Variants in ISLR2 observed in about 807,000 individuals in gnomAD.
ISLR2 encodes immunoglobulin superfamily containing leucine rich repeat 2, also known as immunoglobulin superfamily containing leucine-rich repeat protein 2.
In ISLR2, 16 loss-of-function variants were observed where a neutral mutation model predicts 25.5. The ratio of observed to expected loss-of-function variants is 0.63; its 90% CI spans 0.43 to 0.95. The LOEUF is 0.95. Among genes scored for constraint, ISLR2 ranks in the 40% least tolerant of loss-of-function variants. The pLI is 0.00. For synonymous variants in ISLR2, 508 were observed against 486.6 expected (o/e 1.04, Z -0.58); for missense variants, 883 against 1,030.7 (o/e 0.86, Z 1.96).
At position 74,133,726 on chromosome 15, in the gene ISLR2, G is replaced by C. The variant is rs766750466; in HGVS notation, c.972G>C (p.Pro324=). 6.2e-7 allele frequency: 1 copy of C among 1,609,562 alleles called. No homozygotes were observed. The highest frequency in any genetic ancestry group is 8.5e-7 in the Non-Finnish European group (1 of 1,177,992). ...AQTPTPAPAW[P]APPATPRFLA... is the part of the protein sequence containing the mutation. The stretch of plus-strand genomic sequence containing the variant: ...CGCCGACTCCAGCACCCGCTTGGCC[G>C]GCGCCCCCAGCCACACCGCGCTTCC... The change falls in exon 3 of 3, where the codon CCG becomes CCC. Residue 324 remains proline (P), a synonymous_variant. Coordinates refer to ENST00000453268, the MANE Select transcript of ISLR2 (RefSeq NM_020851.3).
At chr15:74,114,566 T>C (rs1214786096) in intron 2 of ISLR2, among the ~76,000 whole-genome samples, 1 of 150,712 alleles carries the variant, frequency 6.6e-6, no homozygotes, top group African/African-American at 2.4e-5. Context: ...GAGGTGGCAG[T>C]GAGCCGAGAT....
upstream of ISLR2, chr15:74,127,260 T>G (rs1387154535): frequency 6.6e-6 from 1 of 152,208 alleles, no homozygotes; most frequent in Non-Finnish European, 1.5e-5. Flanking sequence ...ACTTCCAATT[T>G]TGCAGTTTTC....
chr15:74,133,132 G>C lies in ISLR2; in HGVS notation c.378G>C (p.Gln126His). 6.2e-7 allele frequency: 1 copy of C among 1,612,884 alleles called. No homozygotes were observed. Among genetic ancestry groups the C allele is most frequent in the Non-Finnish European group, 8.5e-7 (1 of 1,179,960 alleles). Residue 126 changes from glutamine (Q) to histidine (H), a missense_variant, in exon 3 of 3, where the codon CAG becomes CAC. Physicochemically the swap from Gln to His is conservative, Grantham distance 24. This residue lies in a region of ISLR2 where 271 missense variants were observed against 387.9 expected (regional missense o/e 0.70). Coordinates refer to ENST00000453268, the MANE Select transcript of ISLR2 (RefSeq NM_020851.3). Reference protein sequence around the residue: ...WSDLRNLSALQLLKMNHNRLG... With the variant: ...WSDLRNLSALHLLKMNHNRLG... ...ACCTGCGCAACCTGAGCGCGCTGCA[G>C]CTGCTCAAAATGAACCACAACCGCC...
At chr15:74,104,488 G>A (rs2072104912) in intron 2 of ISLR2, among the ~76,000 whole-genome samples, 2 of 152,270 alleles carry the variant, frequency 1.3e-5, no homozygotes, top group Admixed American at 1.3e-4. Flanking sequence ...CTGAAGAACA[G>A]TTAGATTTTG....
chr15:74,138,924 G>T (rs956299665), downstream of ISLR2, among the ~76,000 whole-genome samples: 1 of 152,076 alleles, frequency 6.6e-6, no homozygotes, highest in African/African-American at 2.4e-5. Flanking sequence ...AACAGGCCTG[G>T]CTGGGCCAGT....
Position 74,130,614 on chromosome 15 carries a change from G to C in ISLR2, c.-126G>C, listed in dbSNP as rs2072389304. On this transcript the variant is annotated 5_prime_UTR_variant, in exon 1 of 3. Transcript: ENST00000453268. ...GCTCGCGGGCGCTGGCGGGACAGGC[G>C]CGTGAGGGTGAGTTCGCGTGAATGT... 6.6e-6 allele frequency: 1 copy of C among 152,562 alleles called. No homozygotes were observed. Among genetic ancestry groups the C allele is most frequent in the African/African-American group, 2.4e-5 (1 of 41,454 alleles). The allele number at this position is 152,562 out of a possible 1,614,324, so 9.5% of individuals were successfully genotyped here. A position where few individuals can be genotyped will look rare whatever the true frequency, so the allele number is the denominator to read the frequency against.
At chr15:74,115,785 T>G (rs1298199499) in intron 2 of ISLR2, among the ~76,000 whole-genome samples, 1 of 151,486 alleles carries the variant, frequency 6.6e-6, no homozygotes. Context: ...ACAGAGATGA[T>G]GTAATTTGCA....
At chr15:74,128,364 G>A, upstream of ISLR2, 1 of 434,482 alleles carries the variant, frequency 2.3e-6, no homozygotes, top group South Asian at 1.6e-5. Flanking sequence ...TTGCTGTAGA[G>A]TGAGCTAGAG....
chr15:74,132,685 G>A lies in ISLR2; in HGVS notation c.-8-62G>A. On this transcript the variant is annotated intron_variant, in intron 2 of 2. Transcript: ENST00000453268. This position sits in a 1 kb window ranked among gnomAD's most constrained non-coding sequence, Gnocchi z 4.3. ...GGCTTGCGGAGGCACAGCTTGATAG[G>A]GGAGGTAAGCTGGGGTTCAGTGAGT... 6.5e-7 allele frequency: 1 copy of A among 1,544,562 alleles called. No individual in the cohort carries two copies. The highest frequency in any genetic ancestry group is 1.2e-5 in the South Asian group (1 of 80,640).
chr15:74,116,629 ATTTTC>A (rs930152284), intron 2 of ISLR2, among the ~76,000 whole-genome samples: 1 of 152,184 alleles, frequency 6.6e-6, no homozygotes, highest in Non-Finnish European at 1.5e-5. Flanking sequence ...AAAAGATCCT[ATTTTC>A]TTATTTTTTG....
At chr15:74,130,392 G>C (rs1367139083), upstream of ISLR2, 2 of 152,324 alleles carry the variant, frequency 1.3e-5, no homozygotes, top group South Asian at 2.1e-4. Context: ...GCGCGAGCTC[G>C]GCTGCGCGCA....
intron 2 of ISLR2, among the ~76,000 whole-genome samples, chr15:74,121,084 C>T (rs1027906679): frequency 6.6e-6 from 1 of 152,052 alleles, no homozygotes; most frequent in Non-Finnish European, 1.5e-5. Flanking sequence ...CTATCCCAAG[C>T]TTCTTCTCCT....
Position 74,135,153 on chromosome 15 carries a change from T to A in ISLR2, c.*161T>A, listed in dbSNP as rs2072542438. ...ACTACCAGGGACTTCTATTAGGGAG[T>A]GGGCCGATTTCACCAGTCCCTGCTA... On this transcript the variant is annotated 3_prime_UTR_variant, in exon 3 of 3. Coordinates refer to ENST00000453268, the MANE Select transcript of ISLR2 (RefSeq NM_020851.3). The A allele has an allele frequency of 1.2e-6, 1 of 848,762 alleles. No homozygotes were observed. Among genetic ancestry groups the A allele is most frequent in the African/African-American group, 1.7e-5 (1 of 58,530 alleles). The allele number at this position is 848,762 out of a possible 1,614,324, so 52.6% of individuals were successfully genotyped here.
intron 2 of ISLR2, among the ~76,000 whole-genome samples, chr15:74,118,495 G>A (rs1007353219): frequency 4.6e-5 from 7 of 152,070 alleles, no homozygotes; most frequent in Non-Finnish European, 7.4e-5. Flanking sequence ...GAATTTCCTC[G>A]AAAATAATGG....
chr15:74,114,269 T>C (rs1478126871), intron 2 of ISLR2, among the ~76,000 whole-genome samples: 5 of 152,176 alleles, frequency 3.3e-5, no homozygotes, highest in Non-Finnish European at 7.3e-5. Context: ...GAGACCATCA[T>C]CAATACAGGT....
chr15:74,118,027 A>G (rs1261421990), intron 2 of ISLR2, among the ~76,000 whole-genome samples: 1 of 152,182 alleles, frequency 6.6e-6, no homozygotes, highest in East Asian at 1.9e-4. Flanking sequence ...CTGGCATATA[A>G]TGAACTGTTG....
downstream of ISLR2, among the ~76,000 whole-genome samples, chr15:74,137,085 AG>A (rs1243862373): frequency 6.6e-6 from 1 of 152,150 alleles, no homozygotes; most frequent in Non-Finnish European, 1.5e-5. Context: ...CCCTGAACAC[AG>A]GGAGTCTGAG....
intron 2 of ISLR2, chr15:74,103,996 G>A (rs1246922284): frequency 1.3e-5 from 2 of 152,004 alleles, no homozygotes; most frequent in Non-Finnish European, 2.9e-5. Context: ...CCCAGTCTTG[G>A]GTATTTCTTC....
chr15:74,105,903 T>A (rs1002584384), intron 2 of ISLR2, among the ~76,000 whole-genome samples: 10 of 152,112 alleles, frequency 6.6e-5, no homozygotes, highest in Non-Finnish European at 1.2e-4. Context: ...AGCCACATAC[T>A]GTAATGTGCG....
Sources: gnomAD v4.1 joint callset for allele counts (sites outside exome capture counted in the v4.1 genomes callset) on GRCh38, gnomAD v4.1.1 for gene constraint, gnomAD v4.1.1 regional missense constraint, Gnocchi (gnomAD v3.1) non-coding constraint, MANE v1.5 for transcripts, NCBI Gene and HGNC (gene_info 2026-07-23, HGNC 2026-07-21) for gene names.